The following OSTM1 variants were observed in gnomAD, a reference collection of about 807,000 sequenced individuals.
OSTM1 encodes osteopetrosis-associated transmembrane protein 1.
Under a neutral mutation model 35.4 loss-of-function variants are expected in OSTM1, and 26 were observed. That is an observed-to-expected ratio of 0.73 (90% CI 0.54 to 1.02). The LOEUF is 1.02. OSTM1 is among the 50% of genes least tolerant of loss of function. OSTM1 has a pLI of 0.00. For missense variants in OSTM1, 366 were observed against 409.6 expected (o/e 0.89, Z 0.92); for synonymous variants, 181 against 165.0 (o/e 1.10, Z -0.75).
At chr6:108,060,763 C>T (rs893644043) in intron 2 of OSTM1, 1 of 152,082 alleles carries the variant, frequency 6.6e-6, no homozygotes, top group Admixed American at 6.6e-5. Flanking sequence ...AAAAAATGCC[C>T]TGCCTCTTCT....
chr6:108,070,996 G>A (rs1422296255), intron 1 of OSTM1, among the ~76,000 whole-genome samples: 2 of 149,934 alleles, frequency 1.3e-5, no homozygotes, highest in Non-Finnish European at 3.0e-5. Context: ...AGACCATCCT[G>A]GCTAACACGG....
At chr6:108,054,769 C>T (rs1006985287) in intron 2 of OSTM1, among the ~76,000 whole-genome samples, 182 bp from the exon 3 acceptor site, 12 of 152,086 alleles carry the variant, frequency 7.9e-5, no homozygotes, top group Admixed American at 7.9e-4. Flanking sequence ...AAGTCATAAC[C>T]ATTTTCATGA....
chr6:108,047,692 C>G lies in OSTM1; in HGVS notation c.949+1561G>C, dbSNP rs76854807. 5.3e-3 allele frequency among the ~76,000 whole-genome samples: 811 copies of G among 152,078 alleles called. 3 individuals are homozygous for G. Among genetic ancestry groups the G allele is most frequent in the Non-Finnish European group, 8.3e-3 (561 of 67,986 alleles). On this transcript the variant is annotated intron_variant, in intron 5 of 5. Coordinates refer to ENST00000193322, the MANE Select transcript of OSTM1 (RefSeq NM_014028.4). ...CGGACTAAGCAGAACTGGCAGCATACTTGCTAATGAATTAAAAGGGGATGA... is the reference window on the plus strand; with the variant it reads ...CGGACTAAGCAGAACTGGCAGCATAGTTGCTAATGAATTAAAAGGGGATGA...
chr6:108,061,843 A>C (rs1337764472), intron 2 of OSTM1, among the ~76,000 whole-genome samples: 1 of 150,184 alleles, frequency 6.7e-6, no homozygotes, highest in Non-Finnish European at 1.5e-5. Flanking sequence ...CCACTGAGCC[A>C]AAAAAAAACC....
intron 2 of OSTM1, among the ~76,000 whole-genome samples, chr6:108,062,985 G>GCATCTGCCCATGAC (rs11267778): frequency 6.6e-6 from 1 of 151,762 alleles, no homozygotes; most frequent in Non-Finnish European, 1.5e-5. Context: ...ATACCTCTGT[G>GCATCTGCCCATGAC]ACTACCTGCA....
rs1023604413 is a variant in OSTM1, at chr6:108,044,324, T to C, written c.*461A>G. The C allele has an allele frequency of 1.9e-5, 3 of 154,538 alleles. No individual in the cohort carries two copies. The highest frequency in any genetic ancestry group is 4.3e-5 in the Non-Finnish European group (3 of 69,338). 9.6% of individuals were successfully genotyped at this position (154,538 alleles called of 1,614,324 possible). ...TGTGATGTACAACATATTAACTATA[T>C]ATATAACAATAATACTGCAATGGGG... On this transcript the variant is annotated 3_prime_UTR_variant, in exon 6 of 6. Transcript: ENST00000193322.
chr6:108,073,034 T>G (rs1474821286), intron 1 of OSTM1, among the ~76,000 whole-genome samples: 1 of 152,214 alleles, frequency 6.6e-6, no homozygotes, highest in East Asian at 1.9e-4. Flanking sequence ...AGTCTCCAAC[T>G]CCTGACCTCA....
chr6:108,042,788 T>A lies in OSTM1; in HGVS notation c.*1997A>T, dbSNP rs1771895114. Reference sequence around the variant, plus strand: ...TGATGTTAAATTACATCTGAAATTTTAAAAATGTATTTAAAAATCCAAATA... The same window carrying A: ...TGATGTTAAATTACATCTGAAATTTAAAAAATGTATTTAAAAATCCAAATA... On this transcript the variant is annotated 3_prime_UTR_variant, in exon 6 of 6. Transcript: ENST00000193322. 6.6e-6 allele frequency: 1 copy of A among 152,218 alleles called. No homozygotes were observed. Among genetic ancestry groups the A allele is most frequent in the African/African-American group, 2.4e-5 (1 of 41,456 alleles). The allele number at this position is 152,218 out of a possible 1,614,324, so 9.4% of individuals were successfully genotyped here.
intron 5 of OSTM1, among the ~76,000 whole-genome samples, chr6:108,047,271 G>C (rs962725035): frequency 4.6e-5 from 7 of 152,182 alleles, no homozygotes; most frequent in African/African-American, 1.4e-4. Context: ...TAAGTAAAGA[G>C]GGAAGGGCCT....
chr6:108,067,088 C>T (rs1772393193), intron 1 of OSTM1, among the ~76,000 whole-genome samples: 1 of 152,156 alleles, frequency 6.6e-6, no homozygotes, highest in Non-Finnish European at 1.5e-5. Context: ...AATCCATAAT[C>T]CCAAACCGTA....
At chr6:108,069,663 TTAAAC>T (rs1428229906) in intron 1 of OSTM1, among the ~76,000 whole-genome samples, 1 of 152,152 alleles carries the variant, frequency 6.6e-6, no homozygotes, top group African/African-American at 2.4e-5. Flanking sequence ...CCCTATCAGT[TTAAAC>T]TAAAAGGAGA....
chr6:108,054,655 T>C, intron 2 of OSTM1, 68 bp from the exon 3 acceptor site: 1 of 755,484 alleles, frequency 1.3e-6, no homozygotes, highest in Non-Finnish European at 2.3e-6. Context: ...CATTTATATC[T>C]TAAGCTATCA....
chr6:108,048,534 A>G (rs1483847712), intron 5 of OSTM1, among the ~76,000 whole-genome samples: 3 of 152,188 alleles, frequency 2.0e-5, no homozygotes, highest in Non-Finnish European at 4.4e-5. Flanking sequence ...GTTCACAAAC[A>G]AACTGTCTGT....
At chr6:108,060,971 C>G (rs963226606) in intron 2 of OSTM1, 3 of 151,974 alleles carry the variant, frequency 2.0e-5, no homozygotes, top group Non-Finnish European at 4.4e-5. Flanking sequence ...CAGTATATAT[C>G]CACTTATTCC....
chr6:108,074,588 GC>G lies in OSTM1; in HGVS notation c.63del (p.Leu22CysfsTer77). The stretch of plus-strand genomic sequence containing the variant: ...AGGGCCAGCCCCGACCACAGCAGCA[GC>G]CCCAGCGGCAGCCACGGCGGCAACG... Reference protein sequence around the residue: ...RCSLPPWLPLGLLLWSGLALG... With the variant: ...RCSLPPWLPLXLLLWSGLALG... On this transcript the variant is annotated frameshift_variant, in exon 1 of 6. Coordinates refer to ENST00000193322, the MANE Select transcript of OSTM1 (RefSeq NM_014028.4). LOFTEE classifies it high-confidence loss of function. The G allele has an allele frequency of 6.4e-7, 1 of 1,565,412 alleles. No homozygotes were observed. Among genetic ancestry groups the G allele is most frequent in the Non-Finnish European group, 8.6e-7 (1 of 1,160,076 alleles).
intron 4 of OSTM1, 22 bp from the exon 5 acceptor site, chr6:108,049,440 T>C (rs777237658): frequency 9.9e-6 from 16 of 1,610,498 alleles, no homozygotes; most frequent in Non-Finnish European, 1.3e-5. Context: ...GCAAACAATA[T>C]CTTTCTATTT....
chr6:108,071,399 G>A (rs1582400405), intron 1 of OSTM1, among the ~76,000 whole-genome samples: 1 of 150,600 alleles, frequency 6.6e-6, no homozygotes, highest in African/African-American at 2.4e-5. Flanking sequence ...TCCACCTCCC[G>A]GGTTCAAGCA....
chr6:108,052,940 G>C (rs749555897), intron 3 of OSTM1, among the ~76,000 whole-genome samples: 10 of 152,140 alleles, frequency 6.6e-5, no homozygotes, highest in Non-Finnish European at 1.3e-4. Context: ...TGACAACTTG[G>C]CTTTGAGCCT....
chr6:108,044,900 ACT>A, intron 5 of OSTM1, 60 bp from the exon 6 acceptor site: 1 of 869,946 alleles, frequency 1.1e-6, no homozygotes. Context: ...ATGATTATTT[ACT>A]ATTTTTATGT....
Sources: gnomAD v4.1 joint callset for allele counts (sites outside exome capture counted in the v4.1 genomes callset) on GRCh38, gnomAD v4.1.1 for gene constraint, MANE v1.5 for transcripts, NCBI Gene and HGNC (gene_info 2026-07-23, HGNC 2026-07-21) for gene names.